Variants in RANBP2 observed in about 807,000 individuals in gnomAD.
RANBP2 encodes the protein RAN binding protein 2.
A neutral mutation model predicts 303.6 loss-of-function variants in RANBP2; 57 were observed. That is an observed-to-expected ratio of 0.19 (90% CI 0.15 to 0.23). The LOEUF (loss-of-function observed/expected upper bound fraction) is 0.23. Among genes scored for constraint, RANBP2 ranks in the 10% least tolerant of loss-of-function variants. The pLI, the probability that RANBP2 is intolerant of heterozygous loss-of-function variation, is 1.00. For missense variants in RANBP2, 3,138 were observed against 3,780.8 expected (o/e 0.83, Z 4.46); for synonymous variants, 1,167 against 1,301.5 (o/e 0.90, Z 2.23).
chr2:109,159,540 T>C, the RANBP2 span, among the ~76,000 whole-genome samples: 1 of 152,248 alleles, frequency 6.6e-6, no homozygotes, highest in Non-Finnish European at 1.5e-5. Context: ...ATTGTCCATG[T>C]AGTGAGTACA....
chr2:108,923,249 T>C, the RANBP2 span: 2 of 978,502 alleles, frequency 2.0e-6, no homozygotes, highest in Non-Finnish European at 1.7e-6. Context: ...CTTTCACTAG[T>C]GCTGTTACTG....
At chr2:109,327,649 T>G in the RANBP2 span, among the ~76,000 whole-genome samples, 1 of 152,248 alleles carries the variant, frequency 6.6e-6, no homozygotes, top group Non-Finnish European at 1.5e-5. Flanking sequence ...TTTAATATCT[T>G]TTAGTAAAAT....
At chr2:109,682,382 T>C in the RANBP2 span, among the ~76,000 whole-genome samples, 1 of 152,174 alleles carries the variant, frequency 6.6e-6, no homozygotes, top group East Asian at 1.9e-4. Flanking sequence ...GGCTGGATAC[T>C]CTGTATTTGC....
chr2:109,250,427 A>G, the RANBP2 span, among the ~76,000 whole-genome samples: 6 of 152,234 alleles, frequency 3.9e-5, no homozygotes, highest in South Asian at 1.2e-3. Flanking sequence ...TCATGAAACA[A>G]TCATCATAAT....
the RANBP2 span, among the ~76,000 whole-genome samples, chr2:109,716,248 T>TA: frequency 1.3e-5 from 2 of 151,620 alleles, no homozygotes; most frequent in Non-Finnish European, 2.9e-5. Context: ...TTATTTTTTT[T>TA]AAAAAAAATT....
chr2:109,501,829 G>A, the RANBP2 span: 1 of 595,496 alleles, frequency 1.7e-6, no homozygotes, highest in East Asian at 2.8e-5. Context: ...AGGGACTGTG[G>A]AGGTCGTGCC....
the RANBP2 span, among the ~76,000 whole-genome samples, chr2:109,666,840 C>T: frequency 6.6e-6 from 1 of 152,188 alleles, no homozygotes; most frequent in Admixed American, 6.5e-5. Flanking sequence ...TGGATCTATG[C>T]ATCTGCTGTG....
the RANBP2 span, among the ~76,000 whole-genome samples, chr2:109,562,784 C>T: frequency 5.9e-5 from 9 of 152,256 alleles, no homozygotes; most frequent in East Asian, 1.5e-3. Context: ...GGGAAGCTAA[C>T]TCGAGATGAT....
chr2:109,249,536 C>CTTTCTTTCTTTCTTTTTCTTTCTTTCT, the RANBP2 span, among the ~76,000 whole-genome samples: 2 of 74,080 alleles, frequency 2.7e-5, no homozygotes, highest in African/African-American at 5.3e-5. Context: ...TCTTTCTTTC[C>CTTTCTTTCTTTCTTTTTCTTTCTTTCT]TTCCTTCCTT....
chr2:108,719,509 TGC>T lies in RANBP2; in HGVS notation c.-96_-95del, dbSNP rs1445964243. ...AGTGGTCCTCCGCCGGCTACGGCGC[TGC>T]GTCACTGGTTTGCAGGCGCTTTCCT... On this transcript the variant is annotated 5_prime_UTR_variant, in exon 1 of 29. Transcript: ENST00000283195. 1.3e-6 allele frequency: 2 copies of T among 1,533,804 alleles called. No homozygotes were observed. The highest frequency in any genetic ancestry group is 2.8e-5 in the African/African-American group (2 of 72,724).
chr2:109,246,161 ACAGAGGCTGCCTTAGGCTTTT>A, the RANBP2 span, among the ~76,000 whole-genome samples: 2 of 152,216 alleles, frequency 1.3e-5, no homozygotes, highest in Non-Finnish European at 1.5e-5. Flanking sequence ...TGTGAGGTTG[ACAGAGGCTGCCTTAGGCTTTT>A]CAAGCTGCTG....
At chr2:109,489,378 G>A in the RANBP2 span, among the ~76,000 whole-genome samples, 3 of 152,244 alleles carry the variant, frequency 2.0e-5, no homozygotes, top group Non-Finnish European at 4.4e-5. Flanking sequence ...GGCCTGGGGG[G>A]ACTTGGCTGG....
chr2:108,823,248 C>T, the RANBP2 span, among the ~76,000 whole-genome samples: 78 of 152,218 alleles, frequency 5.1e-4, no homozygotes, highest in Admixed American at 2.7e-3. Flanking sequence ...TCATATTCTT[C>T]GAAAAAATTG....
At chr2:108,953,963 C>A in the RANBP2 span, among the ~76,000 whole-genome samples, 1 of 152,148 alleles carries the variant, frequency 6.6e-6, no homozygotes, top group African/African-American at 2.4e-5. Context: ...TTACCAAGAT[C>A]CTAAAACTTC....
the RANBP2 span, chr2:109,128,847 T>G: frequency 4.1e-6 from 1 of 244,098 alleles, no homozygotes; most frequent in Non-Finnish European, 8.4e-6. Context: ...GCAGGAGAGG[T>G]TCCCCGGAGC....
the RANBP2 span, among the ~76,000 whole-genome samples, chr2:109,715,931 T>C: frequency 1.3e-5 from 2 of 152,192 alleles, no homozygotes; most frequent in African/African-American, 4.8e-5. Flanking sequence ...TATTCAACAT[T>C]GTCCTGGAGT....
the RANBP2 span, among the ~76,000 whole-genome samples, chr2:109,468,305 T>C: frequency 6.6e-6 from 1 of 152,184 alleles, no homozygotes; most frequent in African/African-American, 2.4e-5. Flanking sequence ...GTACCGTGTG[T>C]CTAAATATAG....
the RANBP2 span, among the ~76,000 whole-genome samples, chr2:109,001,870 T>C: frequency 1.1e-4 from 17 of 151,318 alleles, no homozygotes; most frequent in East Asian, 2.9e-3. Context: ...GCTGGGACTA[T>C]AGGCGCCCGC....
intron 2 of RANBP2, among the ~76,000 whole-genome samples, 181 bp from the exon 3 acceptor site, chr2:108,730,593 G>A (rs932811615): frequency 3.3e-5 from 5 of 152,134 alleles, no homozygotes; most frequent in African/African-American, 9.7e-5. Context: ...CTCTATGTAC[G>A]TGTTTTTAAG....
Sources: gnomAD v4.1 joint callset for allele counts (sites outside exome capture counted in the v4.1 genomes callset) on GRCh38, gnomAD v4.1.1 for gene constraint, MANE v1.5 for transcripts, NCBI Gene and HGNC (gene_info 2026-07-23, HGNC 2026-07-21) for gene names.